Variants in OSBPL8 observed in about 807,000 individuals in gnomAD.
OSBPL8 encodes oxysterol binding protein like 8, also known as oxysterol-binding protein-related protein 8.
In OSBPL8, 59 loss-of-function variants were observed where a neutral mutation model predicts 125.5. The ratio of observed to expected loss-of-function variants is 0.47; its 90% CI spans 0.38 to 0.58. The LOEUF is 0.58. OSBPL8 is among the 20% of genes least tolerant of loss of function. The pLI, the probability that OSBPL8 is intolerant of heterozygous loss-of-function variation, is 0.00. For synonymous variants in OSBPL8, 330 were observed against 338.9 expected, an observed-to-expected ratio of 0.97 and a Z score of 0.29; for missense variants, 758 against 1,047.8, an observed-to-expected ratio of 0.72 and a Z score of 3.82.
intron 1 of OSBPL8, among the ~76,000 whole-genome samples, chr12:76,551,247 T>G (rs1217751117): frequency 1.3e-5 from 2 of 152,226 alleles, no homozygotes; most frequent in Non-Finnish European, 2.9e-5. Flanking sequence ...AATAGTTTCT[T>G]TCCATTTAAA....
chr12:76,397,634 T>C, intron 8 of OSBPL8, 60 bp downstream of exon 8: 1 of 1,480,456 alleles, frequency 6.8e-7, no homozygotes, highest in Non-Finnish European at 9.3e-7. Flanking sequence ...TTGATGTATC[T>C]CAGTTCTATT....
chr12:76,392,185 T>A (rs930793307), intron 10 of OSBPL8, among the ~76,000 whole-genome samples: 1 of 152,190 alleles, frequency 6.6e-6, no homozygotes, highest in East Asian at 1.9e-4. Flanking sequence ...TGTTACTCTA[T>A]AGAAAGACAG....
intron 2 of OSBPL8, among the ~76,000 whole-genome samples, chr12:76,467,729 C>T (rs761423626): frequency 2.6e-5 from 4 of 151,974 alleles, no homozygotes; most frequent in Non-Finnish European, 5.9e-5. Flanking sequence ...TCAACTTCTG[C>T]ATCTCCCTTT....
At chr12:76,372,388 T>C (rs1285133415) in intron 18 of OSBPL8, among the ~76,000 whole-genome samples, 1 of 152,078 alleles carries the variant, frequency 6.6e-6, no homozygotes, top group Non-Finnish European at 1.5e-5. Context: ...TTTTTATGTT[T>C]AGTAGAGAAG....
chr12:76,514,181 T>C (rs983454218), intron 1 of OSBPL8, among the ~76,000 whole-genome samples: 3 of 152,102 alleles, frequency 2.0e-5, no homozygotes, highest in Admixed American at 1.3e-4. Context: ...GTCTCACTGT[T>C]TCACCCAGGC....
chr12:76,462,810 G>A (rs1874900059), intron 2 of OSBPL8, among the ~76,000 whole-genome samples: 1 of 152,136 alleles, frequency 6.6e-6, no homozygotes, highest in Non-Finnish European at 1.5e-5. Context: ...CAGGGTGAAA[G>A]TATGAAAGAC....
chr12:76,498,723 C>T (rs905022283), intron 1 of OSBPL8, among the ~76,000 whole-genome samples: 12 of 124,700 alleles, frequency 9.6e-5, no homozygotes, highest in Admixed American at 7.8e-4. Flanking sequence ...AAAGCCTCCC[C>T]ACTTTTTTTT....
At chr12:76,363,336 A>T (rs1952282244) in intron 21 of OSBPL8, among the ~76,000 whole-genome samples, 1 of 152,238 alleles carries the variant, frequency 6.6e-6, no homozygotes, top group African/African-American at 2.4e-5. Flanking sequence ...AACAGAACAG[A>T]GGCCTCAGAA....
chr12:76,531,969 G>A (rs1373153581), intron 1 of OSBPL8, among the ~76,000 whole-genome samples: 4 of 150,108 alleles, frequency 2.7e-5, no homozygotes, highest in African/African-American at 7.4e-5. Context: ...CCCAGGAGGC[G>A]GAGCTTGCAG....
At chr12:76,416,793 A>T (rs1017140904) in intron 4 of OSBPL8, among the ~76,000 whole-genome samples, 3 of 152,022 alleles carry the variant, frequency 2.0e-5, no homozygotes. Context: ...ATAATTGCTG[A>T]CTTACCTAGA....
chr12:76,377,678 T>G (rs1408335459), intron 16 of OSBPL8, among the ~76,000 whole-genome samples: 1 of 152,170 alleles, frequency 6.6e-6, no homozygotes, highest in Non-Finnish European at 1.5e-5. Flanking sequence ...AAGGTATTTT[T>G]AAGATTTTAA....
At chr12:76,372,329 C>T (rs998841766) in intron 18 of OSBPL8, among the ~76,000 whole-genome samples, 2 of 152,070 alleles carry the variant, frequency 1.3e-5, no homozygotes, top group Non-Finnish European at 2.9e-5. Flanking sequence ...CCTTAGCTTC[C>T]TGAGTAGCTG....
chr12:76,549,935 GA>G (rs1555242993), intron 1 of OSBPL8, among the ~76,000 whole-genome samples: 5 of 10,268 alleles, frequency 4.9e-4, no homozygotes, highest in South Asian at 0.01. Context: ...AAAAAAAAAG[GA>G]AAAAAAAATA....
chr12:76,402,609 T>C, intron 6 of OSBPL8, 80 bp downstream of exon 6: 3 of 977,990 alleles, frequency 3.1e-6, no homozygotes, highest in Non-Finnish European at 4.8e-6. Context: ...CACACATATA[T>C]ATTTATCCTA....
At position 76,459,869 on chromosome 12, in the gene OSBPL8, A is replaced by G. The variant is rs747223746; in HGVS notation, c.69T>C (p.Leu23=). The G allele has an allele frequency of 3.1e-6, 5 of 1,613,834 alleles. No homozygotes were observed. Among genetic ancestry groups the G allele is most frequent in the Middle Eastern group, 3.3e-4 (2 of 6,060 alleles). Reference sequence around the variant, plus strand: ...GCTTCAGCTACTTACTTGATGGCCCAAGGACATCTTTGCTATCACCAAGAA... The same window carrying G: ...GCTTCAGCTACTTACTTGATGGCCCGAGGACATCTTTGCTATCACCAAGAA... The part of the protein sequence containing the change: ...TSLLGDSKDV[L]GPSTVVANSD... The change falls in exon 3 of 24, where the codon CTT becomes CTC. Residue 23 remains leucine (L), a synonymous_variant. Transcript: ENST00000261183.
intron 1 of OSBPL8, among the ~76,000 whole-genome samples, chr12:76,536,554 T>C (rs1241784364): frequency 6.6e-6 from 1 of 152,110 alleles, no homozygotes; most frequent in African/African-American, 2.4e-5. Flanking sequence ...GTTGAATTTG[T>C]ATCTACCCAT....
At position 76,370,298 on chromosome 12, in the gene OSBPL8, AG is replaced by A. The variant is rs201245239; in HGVS notation, c.2055-477del. ...ATCAGAATCTCTGGGGTCAGGCGCA[AG>A]TATTGATATATTTTTTAAATGTTTC... On this transcript the variant is annotated intron_variant, in intron 19 of 23. Coordinates refer to ENST00000261183, the MANE Select transcript of OSBPL8 (RefSeq NM_020841.5). Among the ~76,000 whole-genome samples, 1,305 of 152,304 alleles carry A rather than the reference AG, an allele frequency of 8.6e-3. 23 individuals carry two copies. The highest frequency in any genetic ancestry group is 0.03 in the African/African-American group (1,250 of 41,564).
At chr12:76,417,308 C>T (rs528216279) in intron 4 of OSBPL8, among the ~76,000 whole-genome samples, 1 of 152,220 alleles carries the variant, frequency 6.6e-6, no homozygotes, top group Non-Finnish European at 1.5e-5. Flanking sequence ...TGAAGGAAAT[C>T]TGGGTGTTTT....
At chr12:76,435,594 C>A (rs1054083642) in intron 4 of OSBPL8, among the ~76,000 whole-genome samples, 1 of 151,976 alleles carries the variant, frequency 6.6e-6, no homozygotes, top group Admixed American at 6.6e-5. Flanking sequence ...TGTTAAGTAG[C>A]TTGATTGTGG....
Sources: gnomAD v4.1 joint callset for allele counts (sites outside exome capture counted in the v4.1 genomes callset) on GRCh38, gnomAD v4.1.1 for gene constraint, MANE v1.5 for transcripts, NCBI Gene and HGNC (gene_info 2026-07-23, HGNC 2026-07-21) for gene names.